PARP2: variants seen among roughly 807,000 people sequenced by gnomAD.
PARP2 encodes poly [ADP-ribose] polymerase 2.
A neutral mutation model predicts 77.8 loss-of-function variants in PARP2; 57 were observed. The ratio of observed to expected loss-of-function variants is 0.73; its 90% confidence interval spans 0.59 to 0.91. The LOEUF is 0.91. Among genes scored for constraint, PARP2 ranks in the 40% least tolerant of loss-of-function variants. The probability of loss-of-function intolerance (pLI) is 0.00; values close to 1 mark genes in which losing one functional copy is unlikely to be tolerated. For synonymous variants in PARP2, 226 were observed against 242.6 expected, an observed-to-expected ratio of 0.93 and a Z score of 0.64; for missense variants, 651 against 689.0, an observed-to-expected ratio of 0.94 and a Z score of 0.62.
intron 13 of PARP2, 111 bp downstream of exon 13, chr14:20,356,800 C>A: frequency 2.4e-6 from 2 of 847,634 alleles, no homozygotes; most frequent in Non-Finnish European, 4.0e-6. Flanking sequence ...AAGAGTTAAG[C>A]CAGCTCACTG....
chr14:20,349,652 C>T (rs1317325310), intron 4 of PARP2, among the ~76,000 whole-genome samples: 2 of 151,950 alleles, frequency 1.3e-5, no homozygotes, highest in African/African-American at 2.4e-5. Context: ...CCAGCCTGGG[C>T]GACAGAGCAA....
intron 14 of PARP2, 39 bp downstream of exon 14, chr14:20,357,188 T>A (rs1476216502): frequency 6.7e-7 from 1 of 1,482,180 alleles, no homozygotes; most frequent in Admixed American, 1.7e-5. Flanking sequence ...AGTTTATTAA[T>A]TCCAGTTTTT....
At chr14:20,351,734 G>C (rs1281155463) in intron 6 of PARP2, among the ~76,000 whole-genome samples, 2 of 109,736 alleles carry the variant, frequency 1.8e-5, no homozygotes, top group Non-Finnish European at 3.6e-5. Context: ...TATTCAACTA[G>C]GGGCTGAGCA....
chr14:20,354,715 T>A, intron 8 of PARP2, 94 bp from the exon 9 acceptor site: 1 of 1,269,566 alleles, frequency 7.9e-7, no homozygotes, highest in Non-Finnish European at 1.1e-6. Flanking sequence ...AAAAAAAAAG[T>A]TGAAAGATGA....
intron 1 of PARP2, 27 bp downstream of exon 1, chr14:20,343,714 C>A (rs756237032): frequency 1.9e-5 from 31 of 1,606,612 alleles, no homozygotes; most frequent in Middle Eastern, 1.7e-4. Flanking sequence ...CGCGGGACGG[C>A]ATGCGGGGGG....
chr14:20,343,696 C>G lies in PARP2; in HGVS notation c.46+9C>G, dbSNP rs1594293498. 6.2e-7 allele frequency: 1 copy of G among 1,609,030 alleles called. No homozygotes were observed. The highest frequency in any genetic ancestry group is 1.7e-5 in the Admixed American group (1 of 59,250). On this transcript the variant is annotated intron_variant, in intron 1 of 15. Transcript: ENST00000429687. ...CGGCGGCAGGGCGAGAGGTTCGGAG[C>G]TCAATATCGCGGGACGGCATGCGGG...
rs939829456 is a variant in PARP2 at position 20,356,161 on chromosome 14, T to C, written c.1101+130T>C. 5 of 1,412,228 alleles carry C rather than the reference T, an allele frequency of 3.5e-6. No individual in the cohort carries two copies. In the African/African-American group the frequency reaches 7.1e-5, roughly 20 times the overall value. 87.5% of individuals were successfully genotyped at this position (1,412,228 alleles called of 1,614,324 possible). On this transcript the variant is annotated intron_variant, in intron 11 of 15. Transcript: ENST00000429687. Reference sequence around the variant, plus strand: ...GCAGACTTTTTATGTACTAGGGATTTGGGAAGGCCAAGCTTTTCCTAGCTG... The same window carrying C: ...GCAGACTTTTTATGTACTAGGGATTCGGGAAGGCCAAGCTTTTCCTAGCTG...
chr14:20,354,978 C>T, intron 9 of PARP2, 31 bp downstream of exon 9: 1 of 1,591,770 alleles, frequency 6.3e-7, no homozygotes, highest in Non-Finnish European at 8.6e-7. Context: ...TCACTTTGTT[C>T]TTCTACCTAT....
chr14:20,354,797 G>T lies in PARP2; in HGVS notation c.764-12G>T, dbSNP rs749402496. On this transcript the variant is annotated splice_polypyrimidine_tract_variant and intron_variant, in intron 8 of 15. Coordinates refer to ENST00000429687, the MANE Select transcript of PARP2 (RefSeq NM_001042618.2). ...TCCTAGTTTGGAGTCTGATCTCTGG[G>T]TGGGCCTGCAGGGAAGCTGACAGTG... is the stretch of plus-strand genomic sequence containing the variant. 1 of 1,607,352 alleles carries T rather than the reference G, an allele frequency of 6.2e-7. No homozygotes were observed. The highest frequency in any genetic ancestry group is 1.7e-4 in the Middle Eastern group (1 of 6,012).
At chr14:20,352,549 A>ATTTTTT in intron 7 of PARP2, 2 of 214,086 alleles carry the variant, frequency 9.3e-6, no homozygotes. Context: ...TGCCCAGCTG[A>ATTTTTT]TTTTTTTTCT....
chr14:20,344,678 T>C lies in PARP2; in HGVS notation c.47-254T>C, dbSNP rs1347873366. 2.6e-5 allele frequency among the ~76,000 whole-genome samples: 4 copies of C among 152,250 alleles called. No homozygotes were observed. The East Asian group carries it at 7.7e-4, about 29-fold the overall frequency. On this transcript the variant is annotated intron_variant, in intron 1 of 15. Coordinates refer to ENST00000429687, the MANE Select transcript of PARP2 (RefSeq NM_001042618.2). ...AAATACAAAAATTAACTGGGCATGG[T>C]GGTGCACGCCTGTAATCCCAGCTAC...
intron 6 of PARP2, 34 bp from the exon 7 acceptor site, chr14:20,352,211 T>C (rs756146933): frequency 9.2e-6 from 11 of 1,189,568 alleles, no homozygotes; most frequent in Middle Eastern, 3.8e-4. Flanking sequence ...TAGACCTTTA[T>C]TTGTAAAGTT....
intron 5 of PARP2, 58 bp downstream of exon 5, chr14:20,350,680 G>C (rs531580847): frequency 1.9e-6 from 2 of 1,072,776 alleles, no homozygotes; most frequent in African/African-American, 1.6e-5. Context: ...AAGCAGCTTA[G>C]TGGGTGGCCA....
At chr14:20,352,149 C>A in intron 6 of PARP2, 96 bp from the exon 7 acceptor site, 1 of 693,046 alleles carries the variant, frequency 1.4e-6, no homozygotes, top group Non-Finnish European at 2.5e-6. Context: ...GAGCTCAGTG[C>A]TGGAAAATAA....
At chr14:20,353,465 G>A (rs879831089) in intron 7 of PARP2, among the ~76,000 whole-genome samples, 2 of 151,278 alleles carry the variant, frequency 1.3e-5, no homozygotes, top group Non-Finnish European at 2.9e-5. Context: ...GGATGGTCTC[G>A]ATCTCCTGAC....
At chr14:20,346,488 C>G (rs1296909651) in intron 3 of PARP2, 3 of 175,000 alleles carry the variant, frequency 1.7e-5, no homozygotes, top group African/African-American at 7.1e-5. Flanking sequence ...CCACCACGCC[C>G]AGCCTGGGCT....
At chr14:20,346,691 G>A (rs1883731645) in intron 3 of PARP2, 172 bp from the exon 4 acceptor site, 1 of 562,742 alleles carries the variant, frequency 1.8e-6, no homozygotes, top group South Asian at 2.5e-5. Context: ...TTTATAGTAA[G>A]GTTACACCCA....
At chr14:20,354,721 G>C in intron 8 of PARP2, 88 bp from the exon 9 acceptor site, 1 of 1,321,758 alleles carries the variant, frequency 7.6e-7, no homozygotes, top group Non-Finnish European at 1.0e-6. Context: ...AAAGTTGAAA[G>C]ATGAAAGTCT....
At chr14:20,350,295 G>A (rs1332400859) in intron 4 of PARP2, among the ~76,000 whole-genome samples, 4 of 152,152 alleles carry the variant, frequency 2.6e-5, no homozygotes, top group Non-Finnish European at 4.4e-5. Flanking sequence ...TGGATAGAGG[G>A]TTTTAGGAAG....
Sources: gnomAD v4.1 joint callset for allele counts (sites outside exome capture counted in the v4.1 genomes callset) on GRCh38, gnomAD v4.1.1 for gene constraint, MANE v1.5 for transcripts, NCBI Gene and HGNC (gene_info 2026-07-23, HGNC 2026-07-21) for gene names.